The following FRMPD4 variants were observed in gnomAD, a reference collection of about 807,000 sequenced individuals.
The protein encoded by FRMPD4 is FERM and PDZ domain containing 4.
A neutral mutation model predicts 94.1 loss-of-function variants in FRMPD4; 22 were observed. That is an observed-to-expected ratio of 0.23 (90% confidence interval 0.17 to 0.33). The LOEUF (loss-of-function observed/expected upper bound fraction) is 0.33. Among genes scored for constraint, FRMPD4 ranks in the 10% least tolerant of loss-of-function variants. The probability of loss-of-function intolerance (pLI) is 1.00; values close to 1 mark genes in which losing one functional copy is unlikely to be tolerated. For synonymous variants in FRMPD4, 631 were observed against 548.6 expected (o/e 1.15, Z -2.10); for missense variants, 1,111 against 1,339.9 (o/e 0.83, Z 2.67).
At chrX:12,117,008 T>C (rs1183242315) in intron 3 of FRMPD4, among the ~76,000 whole-genome samples, 2 of 112,148 alleles carry the variant, frequency 1.8e-5, no homozygotes, top group East Asian at 5.6e-4. Flanking sequence ...GCCAGAGAAC[T>C]GGTTAATCTT....
At chrX:12,568,388 A>T (rs1455402695) in intron 2 of FRMPD4, among the ~76,000 whole-genome samples, 2 of 112,455 alleles carry the variant, frequency 1.8e-5, no homozygotes, top group Non-Finnish European at 3.8e-5. Context: ...CAAATTTAAA[A>T]GGCCAATTGA....
chrX:11,852,207 A>C (rs1027623876), intron 1 of FRMPD4, among the ~76,000 whole-genome samples: 3 of 110,402 alleles, frequency 2.7e-5, no homozygotes, highest in African/African-American at 9.9e-5. Context: ...GCTTACTAAC[A>C]TCTGGGCCAC....
chrX:12,131,364 T>C (rs1032008684), intron 3 of FRMPD4, among the ~76,000 whole-genome samples: 1 of 112,222 alleles, frequency 8.9e-6, no homozygotes, highest in African/African-American at 3.2e-5. Flanking sequence ...ATATTATACA[T>C]CTCTTGGCCC....
rs746270437 is a variant in FRMPD4 at position 12,717,013 on chromosome X, G to A, written c.2554G>A (p.Ala852Thr). The A allele has an allele frequency of 2.5e-6, 3 of 1,209,248 alleles. No individual in the cohort carries two copies. Among genetic ancestry groups the A allele is most frequent in the Non-Finnish European group, 3.4e-6 (3 of 892,891 alleles). ...TGAGATCCCCGTGTCCCTCATTGACGCTGTGCCCACCAGCGCCGAAGGCAA... is the reference window on the plus strand; with the variant it reads ...TGAGATCCCCGTGTCCCTCATTGACACTGTGCCCACCAGCGCCGAAGGCAA... ...NDEIPVSLID[A>T]VPTSAEGKCE... Residue 852 changes from alanine to threonine, a missense_variant, in exon 15 of 17, where the codon GCT becomes ACT. Ala to Thr is a moderately conservative substitution (Grantham distance 58, BLOSUM62 0). This residue lies in a region of FRMPD4 where 74 missense variants were observed against 93.9 expected (regional missense o/e 0.79). Coordinates refer to ENST00000675598, the MANE Select transcript of FRMPD4 (RefSeq NM_001368397.1).
intron 1 of FRMPD4, among the ~76,000 whole-genome samples, chrX:12,451,971 T>G (rs1483939313): frequency 9.0e-6 from 1 of 110,870 alleles, no homozygotes; most frequent in East Asian, 2.8e-4. Context: ...TCTCTAATAC[T>G]TATACTATGA....
intron 1 of FRMPD4, among the ~76,000 whole-genome samples, chrX:12,418,859 G>A (rs1038428276): frequency 9.0e-6 from 1 of 111,421 alleles, no homozygotes; most frequent in Non-Finnish European, 1.9e-5. Flanking sequence ...CTTTTCTCCA[G>A]AAGGGCCAAA....
chrX:12,341,558 G>A (rs760738662), intron 1 of FRMPD4: 772 of 314,072 alleles, frequency 2.5e-3, no homozygotes, highest in Non-Finnish European at 3.4e-3. Context: ...GCTGTTTTAT[G>A]AGACAGGCAT....
chrX:12,525,455 T>C (rs771753243), intron 2 of FRMPD4, among the ~76,000 whole-genome samples: 10 of 111,786 alleles, frequency 8.9e-5, no homozygotes, highest in Non-Finnish European at 1.7e-4. Context: ...ATTCACCAGG[T>C]AAAATATGGC....
rs58226288 is a variant in FRMPD4 at position 12,281,372 on chromosome X, CTT to C, written c.41+142372_41+142373del. Among the ~76,000 whole-genome samples the C allele has an allele frequency of 3.5e-4, 36 of 103,148 alleles. No homozygotes were observed. The East Asian group carries it at 6.4e-3, about 18-fold the overall frequency. 89.6% of individuals were successfully genotyped at this position (103,148 alleles called of 115,157 possible). A position where few individuals can be genotyped will look rare whatever the true frequency, so the allele number is the denominator to read the frequency against. ...TTAAGTCTTCATTTTTTAAAAAAGTCTTTTTTTTTTTTTCTTTTTTGAGACAG... is the reference window on the plus strand; with the variant it reads ...TTAAGTCTTCATTTTTTAAAAAAGTCTTTTTTTTTTTCTTTTTTGAGACAG... On this transcript the variant is annotated intron_variant, in intron 1 of 16. Transcript: ENST00000675598.
intron 3 of FRMPD4, among the ~76,000 whole-genome samples, chrX:12,013,360 T>C (rs2054590220): frequency 8.9e-6 from 1 of 112,041 alleles, no homozygotes; most frequent in African/African-American, 3.2e-5. Flanking sequence ...AACAGATTTA[T>C]GACCTCCCAA....
intron 3 of FRMPD4, among the ~76,000 whole-genome samples, chrX:12,112,180 A>G (rs189204147): frequency 0.013 from 1,452 of 112,151 alleles, 13 homozygotes; most frequent in Non-Finnish European, 0.022. Context: ...ATGTCCATCA[A>G]AGATAGACTG....
intron 1 of FRMPD4, among the ~76,000 whole-genome samples, chrX:12,423,765 A>G (rs2056913829): frequency 8.9e-6 from 1 of 111,987 alleles, no homozygotes; most frequent in African/African-American, 3.2e-5. Flanking sequence ...TATGCATTGA[A>G]CTTTTACTCA....
intron 3 of FRMPD4, among the ~76,000 whole-genome samples, chrX:12,133,027 TA>T (rs1311850480): frequency 9.2e-6 from 1 of 109,256 alleles, no homozygotes; most frequent in South Asian, 4.0e-4. Flanking sequence ...ACAGTTTGAT[TA>T]AAAAAAATAC....
intron 1 of FRMPD4, among the ~76,000 whole-genome samples, chrX:12,450,221 G>A (rs1404511130): frequency 2.7e-5 from 3 of 110,723 alleles, no homozygotes; most frequent in African/African-American, 9.9e-5. Context: ...TAGGTTCTAT[G>A]ACCTGTAATA....
intron 1 of FRMPD4, among the ~76,000 whole-genome samples, chrX:12,488,554 C>T (rs1004962227): frequency 1.8e-5 from 2 of 111,735 alleles, no homozygotes; most frequent in Middle Eastern, 4.6e-3. Flanking sequence ...TTTAAAACTC[C>T]CCATAAATAT....
intron 9 of FRMPD4, among the ~76,000 whole-genome samples, chrX:12,700,877 G>A (rs1231186547): frequency 5.4e-5 from 6 of 110,931 alleles, no homozygotes; most frequent in Admixed American, 3.8e-4. Context: ...AAGGCAGAAC[G>A]CCAGAACAGG....
rs145004268 is a variant in FRMPD4 at position 12,453,838 on chromosome X, A to G, written c.42-44842A>G. Among the ~76,000 whole-genome samples, 244 of 112,315 alleles carry G rather than the reference A, an allele frequency of 2.2e-3. 4 individuals carry two copies. The East Asian group carries it at 0.05, about 23-fold the overall frequency. ...TTGCATGGATTATGAGTTTATTTAT[A>G]CAACAGTGAACCTCTGACTTTTATT... On this transcript the variant is annotated intron_variant, in intron 1 of 16. Transcript: ENST00000675598.
upstream of FRMPD4, among the ~76,000 whole-genome samples, chrX:12,137,283 A>AT (rs948073962): frequency 1.8e-5 from 2 of 112,784 alleles, no homozygotes; most frequent in African/African-American, 6.5e-5. Flanking sequence ...ATTGCTATTT[A>AT]TTTTATGTTC....
intron 2 of FRMPD4, among the ~76,000 whole-genome samples, chrX:12,537,720 C>A (rs1317337561): frequency 1.8e-5 from 2 of 109,809 alleles, no homozygotes; most frequent in African/African-American, 6.6e-5. Context: ...CATTCCCCAC[C>A]CTTCACCTCA....
Sources: gnomAD v4.1 joint callset for allele counts (sites outside exome capture counted in the v4.1 genomes callset) on GRCh38, gnomAD v4.1.1 for gene constraint, gnomAD v4.1.1 regional missense constraint, MANE v1.5 for transcripts, NCBI Gene and HGNC (gene_info 2026-07-23, HGNC 2026-07-21) for gene names.